HTR4: variants seen among roughly 807,000 people sequenced by gnomAD.
The protein encoded by HTR4 is 5-hydroxytryptamine receptor 4.
A neutral mutation model predicts 36.8 loss-of-function variants in HTR4; 16 were observed. That is an observed-to-expected ratio of 0.43 (90% CI 0.29 to 0.66). The LOEUF (loss-of-function observed/expected upper bound fraction) is 0.66, where lower values mean the gene tolerates loss of function less well. HTR4 is among the 30% of genes least tolerant of loss of function. The pLI, the probability that HTR4 is intolerant of heterozygous loss-of-function variation, is 0.13. For synonymous variants in HTR4, 189 were observed against 185.1 expected (o/e 1.02, Z -0.17); for missense variants, 438 against 490.9 (o/e 0.89, Z 1.02).
chr5:148,619,333 A>C (rs893408043), intron 2 of HTR4, among the ~76,000 whole-genome samples: 1 of 152,212 alleles, frequency 6.6e-6, no homozygotes, highest in Non-Finnish European at 1.5e-5. Flanking sequence ...GCTTGCAAGA[A>C]AAAAATGCCC....
chr5:148,552,477 G>A (rs1297827787), intron 2 of HTR4, among the ~76,000 whole-genome samples: 2 of 152,166 alleles, frequency 1.3e-5, no homozygotes, highest in Non-Finnish European at 2.9e-5. Context: ...GGAGGTGATG[G>A]TGGTTCTCTT....
At chr5:148,633,348 C>T (rs879309166) in intron 2 of HTR4, among the ~76,000 whole-genome samples, 3 of 151,982 alleles carry the variant, frequency 2.0e-5, no homozygotes, top group African/African-American at 4.8e-5. Flanking sequence ...TCACAGAGAA[C>T]ATAGCGCATT....
chr5:148,530,656 T>C (rs2113811641), intron 4 of HTR4, among the ~76,000 whole-genome samples: 1 of 152,286 alleles, frequency 6.6e-6, no homozygotes, highest in Admixed American at 6.5e-5. Flanking sequence ...GAGTCCCTAC[T>C]GGGGCACCAA....
At chr5:148,600,244 T>C (rs1474480778) in intron 2 of HTR4, among the ~76,000 whole-genome samples, 1 of 148,480 alleles carries the variant, frequency 6.7e-6, no homozygotes, top group Non-Finnish European at 1.5e-5. Flanking sequence ...ACAAATAAAA[T>C]ATGAATATAT....
At chr5:148,600,067 A>C (rs571144107) in intron 2 of HTR4, among the ~76,000 whole-genome samples, 1 of 151,590 alleles carries the variant, frequency 6.6e-6, no homozygotes, top group East Asian at 1.9e-4. Flanking sequence ...GAAGGCTTAT[A>C]AAATAATTAT....
intron 4 of HTR4, among the ~76,000 whole-genome samples, chr5:148,540,320 G>A (rs1759042464): frequency 1.4e-5 from 2 of 147,284 alleles, no homozygotes; most frequent in South Asian, 4.3e-4. Flanking sequence ...GAACCCCTGT[G>A]ACACAGTTCA....
intron 1 of HTR4, among the ~76,000 whole-genome samples, chr5:148,638,870 C>T (rs576196187): frequency 5.9e-5 from 9 of 151,986 alleles, no homozygotes; most frequent in Admixed American, 3.9e-4. Flanking sequence ...GCCTGGGCAA[C>T]GTGGCAAAAC....
At chr5:148,654,016 C>A in intron 1 of HTR4, 46 bp downstream of exon 1, 11 of 977,072 alleles carry the variant, frequency 1.1e-5, no homozygotes, top group Non-Finnish European at 1.3e-5. Flanking sequence ...CACCGGCACC[C>A]GTGGGCTCCT....
intron 4 of HTR4, among the ~76,000 whole-genome samples, chr5:148,540,705 G>A (rs1348979252): frequency 3.3e-5 from 5 of 151,898 alleles, no homozygotes; most frequent in African/African-American, 1.2e-4. Flanking sequence ...AAGGCAAGAT[G>A]CTGAGCAGAC....
intron 1 of HTR4, chr5:148,645,591 A>G (rs1271681924): frequency 6.6e-6 from 1 of 152,164 alleles, no homozygotes; most frequent in Non-Finnish European, 1.5e-5. Context: ...AAATTACTTG[A>G]CTTCTCTTAG....
intron 2 of HTR4, among the ~76,000 whole-genome samples, chr5:148,567,926 C>T (rs1760514885): frequency 1.3e-5 from 2 of 152,260 alleles, no homozygotes; most frequent in South Asian, 4.1e-4. Context: ...GCCACGAAAG[C>T]AGAGGCTTTG....
intron 2 of HTR4, among the ~76,000 whole-genome samples, chr5:148,581,519 TATG>T (rs1454101912): frequency 2.6e-5 from 4 of 152,116 alleles, no homozygotes; most frequent in African/African-American, 9.6e-5. Flanking sequence ...AATTTTTGTG[TATG>T]ATGAATGACA....
intron 5 of HTR4, among the ~76,000 whole-genome samples, chr5:148,457,716 G>GGT (rs1755134743): frequency 1.1e-4 from 16 of 139,412 alleles, no homozygotes; most frequent in East Asian, 6.2e-4. Flanking sequence ...AATATATTTT[G>GGT]ATATATCATT....
At chr5:148,598,448 G>C (rs1213931891) in intron 2 of HTR4, among the ~76,000 whole-genome samples, 1 of 151,898 alleles carries the variant, frequency 6.6e-6, no homozygotes, top group East Asian at 1.9e-4. Context: ...GGAGTCTAAG[G>C]TACTAAGGCA....
intron 2 of HTR4, among the ~76,000 whole-genome samples, chr5:148,586,975 T>G (rs907183119): frequency 7.2e-5 from 11 of 152,170 alleles, no homozygotes; most frequent in Admixed American, 1.3e-4. Context: ...CTGATGGCCC[T>G]GGGCAGCACA....
At chr5:148,495,015 A>G (rs893201128) in intron 6 of HTR4, among the ~76,000 whole-genome samples, 2 of 152,168 alleles carry the variant, frequency 1.3e-5, no homozygotes, top group Non-Finnish European at 2.9e-5. Context: ...GTTCTTTGGA[A>G]AGTGCTTGCA....
At chr5:148,462,665 A>C (rs1184814964) in intron 5 of HTR4, among the ~76,000 whole-genome samples, 2 of 152,134 alleles carry the variant, frequency 1.3e-5, no homozygotes, top group African/African-American at 4.8e-5. Flanking sequence ...GACTCATTCT[A>C]TGAGCATTAT....
chr5:148,477,174 G>T (rs1429344273), downstream of HTR4, among the ~76,000 whole-genome samples: 3 of 152,174 alleles, frequency 2.0e-5, no homozygotes, highest in African/African-American at 7.2e-5. Context: ...ATGTCAGTAA[G>T]GATAGAGATA....
intron 5 of HTR4, among the ~76,000 whole-genome samples, chr5:148,464,623 CA>C (rs1755375152): frequency 6.6e-6 from 1 of 152,260 alleles, no homozygotes; most frequent in Non-Finnish European, 1.5e-5. Flanking sequence ...GTAATTCATA[CA>C]AAATTGGTTG....
Sources: allele counts gnomAD v4.1 joint callset (sites outside exome capture counted in the v4.1 genomes callset), GRCh38; gene constraint gnomAD v4.1.1; transcripts MANE v1.5; gene names NCBI Gene and HGNC (gene_info 2026-07-23, HGNC 2026-07-21).